Variants in RBFOX3 observed in about 807,000 individuals in gnomAD.
RBFOX3 encodes RNA binding protein fox-1 homolog 3.
Under a neutral mutation model 48.7 loss-of-function variants are expected in RBFOX3, and 17 were observed. The ratio of observed to expected loss-of-function variants is 0.35; its 90% CI spans 0.24 to 0.52. RBFOX3 has a LOEUF of 0.52. Among genes scored for constraint, RBFOX3 ranks in the 20% least tolerant of loss-of-function variants. The pLI, the probability that RBFOX3 is intolerant of heterozygous loss-of-function variation, is 0.94. For synonymous variants in RBFOX3, 212 were observed against 209.5 expected, an observed-to-expected ratio of 1.01 and a Z score of -0.10; for missense variants, 382 against 497.5, an observed-to-expected ratio of 0.77 and a Z score of 2.21.
the RBFOX3 span, among the ~76,000 whole-genome samples, chr17:79,617,709 C>G: frequency 4.2e-4 from 64 of 152,374 alleles, no homozygotes; most frequent in African/African-American, 1.5e-3. Flanking sequence ...GCTCATCCCT[C>G]CAGTGGTCTC....
chr17:79,502,180 T>G (rs2082469689), intron 1 of RBFOX3, among the ~76,000 whole-genome samples: 1 of 152,308 alleles, frequency 6.6e-6, no homozygotes, highest in South Asian at 2.1e-4. Flanking sequence ...ATTAGTTAAA[T>G]GAAAGGGCTT....
At chr17:79,357,404 A>T (rs969216165) in intron 2 of RBFOX3, among the ~76,000 whole-genome samples, 1 of 152,174 alleles carries the variant, frequency 6.6e-6, no homozygotes, top group Non-Finnish European at 1.5e-5. Flanking sequence ...AAGGCAGGTG[A>T]ATCACCTGAG....
chr17:79,242,585 T>C lies in RBFOX3; in HGVS notation c.-73-6780A>G, dbSNP rs978088568. Among the ~76,000 whole-genome samples, 4 of 151,036 alleles carry C rather than the reference T, an allele frequency of 2.6e-5. No homozygotes were observed. Among genetic ancestry groups the C allele is most frequent in the Non-Finnish European group, 4.4e-5 (3 of 67,764 alleles). On this transcript the variant is annotated intron_variant, in intron 3 of 14. Transcript: ENST00000693108. The surrounding 1 kb of genome is among the most constrained non-coding windows in gnomAD (Gnocchi z 5.8). ...GAGGGGAGGGAAGGGGAAGGGAGCA[T>C]AGGGCAGGAGAGGGCAGGGGAGGGA...
chr17:79,390,702 C>T lies in RBFOX3; in HGVS notation c.-174-82878G>A, dbSNP rs752132024. On this transcript the variant is annotated intron_variant, in intron 2 of 14. Coordinates refer to ENST00000693108, the MANE Select transcript of RBFOX3 (RefSeq NM_001350451.2). This position sits in a 1 kb window ranked among gnomAD's most constrained non-coding sequence, Gnocchi z 4.2. Reference sequence around the variant, plus strand: ...ATGTTGGCCAGGCTGGTCTCGAACTCCTTATCTCAGACAATCTGCCCGTCT... The same window carrying T: ...ATGTTGGCCAGGCTGGTCTCGAACTTCTTATCTCAGACAATCTGCCCGTCT... Among the ~76,000 whole-genome samples, 2 of 152,218 alleles carry T rather than the reference C, an allele frequency of 1.3e-5. No individual in the cohort carries two copies. Among genetic ancestry groups the T allele is most frequent in the Non-Finnish European group, 2.9e-5 (2 of 68,044 alleles).
chr17:79,647,600 C>T, the RBFOX3 span, among the ~76,000 whole-genome samples: 8 of 152,266 alleles, frequency 5.3e-5, no homozygotes, highest in East Asian at 1.2e-3. Flanking sequence ...CCCCCAGCCC[C>T]GGGAGCCTGG....
chr17:79,599,396 G>A (rs1056235719), intron 1 of RBFOX3: 8 of 152,368 alleles, frequency 5.3e-5, no homozygotes, highest in African/African-American at 1.9e-4. Flanking sequence ...CACAGCAGCA[G>A]GTGTTCTGTG....
At chr17:79,385,564 C>T (rs768425939) in intron 2 of RBFOX3, among the ~76,000 whole-genome samples, 1 of 152,184 alleles carries the variant, frequency 6.6e-6, no homozygotes, top group Admixed American at 6.5e-5. Context: ...CATCTGAGAA[C>T]TCTCAGTGAG....
chr17:79,388,086 ATG>A (rs1268553184), intron 2 of RBFOX3, among the ~76,000 whole-genome samples: 4 of 151,682 alleles, frequency 2.6e-5, no homozygotes, highest in South Asian at 2.1e-4. Flanking sequence ...CTACGTGTGC[ATG>A]TGTGTGCATG....
chr17:79,315,863 G>A lies in RBFOX3; in HGVS notation c.-174-8039C>T, dbSNP rs562868017. The stretch of plus-strand genomic sequence containing the variant: ...TCTGGTAAATAAGGCCACGCGGAAG[G>A]GGCTGGGGAGAGGCCTCCCGAGCTA... On this transcript the variant is annotated intron_variant, in intron 2 of 14. Transcript: ENST00000693108. Among the ~76,000 whole-genome samples the A allele has an allele frequency of 2.6e-5, 4 of 152,306 alleles. No individual in the cohort carries two copies. In the East Asian group the frequency reaches 7.7e-4, roughly 29 times the overall value.
chr17:79,571,717 G>A (rs1402034991), intron 1 of RBFOX3, among the ~76,000 whole-genome samples: 5 of 152,136 alleles, frequency 3.3e-5, no homozygotes, highest in African/African-American at 9.7e-5. Flanking sequence ...GGGTCAGGAC[G>A]CAGCCGACCT....
rs183732880 is a variant in RBFOX3 at position 79,392,795 on chromosome 17, C to G, written c.-174-84971G>C. ...AAATCAACCCGCAATTGCTACAGAT[C>G]TCTGATGTGGGGTTGTTTGTTACTG... On this transcript the variant is annotated intron_variant, in intron 2 of 14. Transcript: ENST00000693108. The surrounding 1 kb of genome is among the most constrained non-coding windows in gnomAD (Gnocchi z 5.0). Among the ~76,000 whole-genome samples, 569 of 152,302 alleles carry G rather than the reference C, an allele frequency of 3.7e-3. 11 individuals carry two copies. Among genetic ancestry groups the G allele is most frequent in the Non-Finnish European group, 6.9e-4 (47 of 68,030 alleles).
intron 2 of RBFOX3, among the ~76,000 whole-genome samples, chr17:79,416,591 G>A (rs1295363866): frequency 6.6e-6 from 1 of 152,238 alleles, no homozygotes; most frequent in Non-Finnish European, 1.5e-5. Flanking sequence ...GGGCCAGCAG[G>A]TGAACCCTGG....
At chr17:79,534,869 C>T (rs2088439686) in intron 1 of RBFOX3, among the ~76,000 whole-genome samples, 2 of 152,288 alleles carry the variant, frequency 1.3e-5, no homozygotes, top group South Asian at 4.1e-4. Flanking sequence ...GAGATCGTCG[C>T]CCCCTCGGAA....
intron 2 of RBFOX3, among the ~76,000 whole-genome samples, chr17:79,440,183 G>T (rs1204234851): frequency 6.6e-6 from 1 of 152,210 alleles, no homozygotes; most frequent in Non-Finnish European, 1.5e-5. Flanking sequence ...TGTCTAATTT[G>T]CAGCTGAAGC....
chr17:79,298,449 C>T (rs117214797), intron 3 of RBFOX3: 3,338 of 152,326 alleles, frequency 0.022, 42 homozygotes, highest in Non-Finnish European at 0.037. Context: ...GACAAGCAAC[C>T]TTTGACTAAC....
chr17:79,573,278 G>A (rs950372344), intron 1 of RBFOX3, among the ~76,000 whole-genome samples: 3 of 152,228 alleles, frequency 2.0e-5, no homozygotes, highest in South Asian at 4.1e-4. Context: ...CCAAGGCCAC[G>A]GGGAACAAAG....
At chr17:79,400,400 A>G (rs1318314) in intron 2 of RBFOX3, among the ~76,000 whole-genome samples, 34,437 of 152,076 alleles carry the variant, frequency 0.23, 3,964 homozygotes, top group Middle Eastern at 0.25. Context: ...ATGTGTCTTC[A>G]CACGGCGTTT....
chr17:79,221,256 C>T (rs1456248916), intron 4 of RBFOX3, among the ~76,000 whole-genome samples: 1 of 152,264 alleles, frequency 6.6e-6, no homozygotes, highest in Non-Finnish European at 1.5e-5. Flanking sequence ...CCACCATCGG[C>T]CTGAAGGCCA....
At chr17:79,150,292 C>T (rs1012192969) in intron 4 of RBFOX3, among the ~76,000 whole-genome samples, 5 of 152,012 alleles carry the variant, frequency 3.3e-5, no homozygotes, top group African/African-American at 1.2e-4. Flanking sequence ...CCAGGCCACT[C>T]TGCTTGGGTA....
Sources: gnomAD v4.1 joint callset for allele counts (sites outside exome capture counted in the v4.1 genomes callset) on GRCh38, gnomAD v4.1.1 for gene constraint, Gnocchi (gnomAD v3.1) non-coding constraint, MANE v1.5 for transcripts, NCBI Gene and HGNC (gene_info 2026-07-23, HGNC 2026-07-21) for gene names.